Variants in PCDH11X observed in about 807,000 individuals in gnomAD.
PCDH11X encodes the protein protocadherin 11 X-linked, also known as protocadherin-11 X-linked.
In PCDH11X, 18 loss-of-function variants were observed where a neutral mutation model predicts 53.3. That is an observed-to-expected ratio of 0.34 (90% CI 0.23 to 0.50). PCDH11X has a LOEUF of 0.50. Ranked by LOEUF, PCDH11X falls within the 20% of genes least tolerant of loss-of-function variation. The pLI, the probability that PCDH11X is intolerant of heterozygous loss-of-function variation, is 0.98. For synonymous variants in PCDH11X, 279 were observed against 393.3 expected (o/e 0.71, Z 3.44); for missense variants, 570 against 1,032.4 (o/e 0.55, Z 6.14).
chrX:92,113,819 T>C lies in PCDH11X; in HGVS notation c.3034-87556T>C, dbSNP rs1487063086. Reference sequence around the variant, plus strand: ...ACCTCAAGCACATCAGAAGGCATTGTAGCTGACAGCAAAACTACCTGGGTG... The same window carrying C: ...ACCTCAAGCACATCAGAAGGCATTGCAGCTGACAGCAAAACTACCTGGGTG... On this transcript the variant is annotated intron_variant, in intron 6 of 10. Coordinates refer to ENST00000682573, the MANE Select transcript of PCDH11X (RefSeq NM_032968.5). 5.8e-6 allele frequency: 7 copies of C among 1,204,188 alleles called. No homozygotes were observed. In the East Asian group the frequency reaches 2.1e-4, roughly 36 times the overall value.
chrX:92,218,006 G>A (rs1305698317), intron 7 of PCDH11X, among the ~76,000 whole-genome samples: 5 of 109,000 alleles, frequency 4.6e-5, no homozygotes, highest in Admixed American at 9.9e-5. Flanking sequence ...TGAAACCAAT[G>A]AGAACAAAGA....
At chrX:92,186,851 A>G (rs2066108800) in intron 6 of PCDH11X, among the ~76,000 whole-genome samples, 1 of 111,350 alleles carries the variant, frequency 9.0e-6, no homozygotes, top group Admixed American at 9.6e-5. Context: ...CAAAGAAATA[A>G]TAAATATTGA....
intron 6 of PCDH11X, among the ~76,000 whole-genome samples, chrX:92,142,384 AC>A (rs2065197896): frequency 9.4e-6 from 1 of 106,598 alleles, no homozygotes; most frequent in African/African-American, 3.4e-5. Flanking sequence ...ACACACACAC[AC>A]ACACACACAC....
At position 92,622,904 on chromosome X, in the gene PCDH11X, G is replaced by A. The variant is rs1337449726; in HGVS notation, c.*3964G>A. The A allele has an allele frequency of 9.0e-6, 1 of 111,684 alleles. No homozygotes were observed. Among genetic ancestry groups the A allele is most frequent in the Non-Finnish European group, 1.9e-5 (1 of 52,998 alleles). The allele number at this position is 111,684 out of a possible 1,213,427, so 9.2% of individuals were successfully genotyped here. ...CAAATAAAAAAAATTAATGGCAATT[G>A]TTTAGTGATTGTAAGTGATACTTTT... On this transcript the variant is annotated 3_prime_UTR_variant, in exon 11 of 11. Coordinates refer to ENST00000682573, the MANE Select transcript of PCDH11X (RefSeq NM_032968.5).
At chrX:92,122,641 T>C (rs1453857569) in intron 6 of PCDH11X, among the ~76,000 whole-genome samples, 2 of 111,303 alleles carry the variant, frequency 1.8e-5, no homozygotes, top group African/African-American at 6.5e-5. Context: ...TTTAAGAAAA[T>C]CGTAATCTGG....
At chrX:92,555,529 G>A (rs2075032658) in intron 10 of PCDH11X, among the ~76,000 whole-genome samples, 1 of 111,782 alleles carries the variant, frequency 8.9e-6, no homozygotes, top group Non-Finnish European at 1.9e-5. Context: ...GAGACTTCAT[G>A]GAATATTTTA....
intron 6 of PCDH11X, among the ~76,000 whole-genome samples, chrX:91,936,426 G>A (rs1300215515): frequency 9.2e-6 from 1 of 109,224 alleles, no homozygotes; most frequent in East Asian, 2.9e-4. Flanking sequence ...TACACCAAAA[G>A]ATACACATTT....
At chrX:91,893,610 C>T (rs1940608226) in intron 6 of PCDH11X, among the ~76,000 whole-genome samples, 1 of 110,500 alleles carries the variant, frequency 9.0e-6, no homozygotes, top group African/African-American at 3.3e-5. Context: ...TTTGTGTAGA[C>T]ATAAATCCTG....
intron 6 of PCDH11X, among the ~76,000 whole-genome samples, chrX:92,009,612 G>A (rs1406912715): frequency 9.2e-6 from 1 of 109,046 alleles, no homozygotes; most frequent in Non-Finnish European, 1.9e-5. Context: ...AGAAAGATTT[G>A]CCTTCTCAAG....
At chrX:92,131,178 A>G (rs1274808746) in intron 6 of PCDH11X, among the ~76,000 whole-genome samples, 2 of 111,923 alleles carry the variant, frequency 1.8e-5, no homozygotes, top group Non-Finnish European at 3.8e-5. Context: ...AGATTCCACC[A>G]TTTAAAAAAC....
At chrX:92,102,374 T>C (rs1166679337) in intron 6 of PCDH11X, among the ~76,000 whole-genome samples, 1 of 111,402 alleles carries the variant, frequency 9.0e-6, no homozygotes, top group African/African-American at 3.3e-5. Flanking sequence ...GGTCAAGTTG[T>C]TTGGACAGAA....
intron 5 of PCDH11X, among the ~76,000 whole-genome samples, chrX:91,845,056 T>G: frequency 9.0e-6 from 1 of 111,587 alleles, no homozygotes; most frequent in East Asian, 2.8e-4. Flanking sequence ...TTGAACAGAG[T>G]GCTTTATTTA....
At chrX:92,541,898 A>C (rs1178656673) in intron 10 of PCDH11X, among the ~76,000 whole-genome samples, 2 of 110,261 alleles carry the variant, frequency 1.8e-5, no homozygotes, top group Non-Finnish European at 3.8e-5. Context: ...GCAGTGAGCC[A>C]AGATCGTGCC....
intron 10 of PCDH11X, among the ~76,000 whole-genome samples, chrX:92,513,916 C>T (rs1253710748): frequency 1.8e-5 from 2 of 110,527 alleles, no homozygotes; most frequent in East Asian, 5.7e-4. Flanking sequence ...TGAGCAACCA[C>T]TAGTCTGCTT....
chrX:92,362,013 G>A (rs1250753868), intron 8 of PCDH11X, among the ~76,000 whole-genome samples: 1 of 111,295 alleles, frequency 9.0e-6, no homozygotes, highest in African/African-American at 3.3e-5. Flanking sequence ...GTTTTAAAGT[G>A]TATACCACAT....
At chrX:92,417,914 A>G (rs1347245991) in intron 9 of PCDH11X, among the ~76,000 whole-genome samples, 1 of 97,773 alleles carries the variant, frequency 1.0e-5, no homozygotes, top group East Asian at 3.3e-4. Flanking sequence ...GCCGACTCCT[A>G]GCAGATTGGT....
chrX:92,001,616 G>C (rs2062512167), intron 6 of PCDH11X, among the ~76,000 whole-genome samples: 1 of 108,180 alleles, frequency 9.2e-6, no homozygotes, highest in African/African-American at 3.4e-5. Context: ...TTACAGGCAT[G>C]CACCACCATG....
chrX:92,406,918 T>G (rs1447542779), intron 9 of PCDH11X, among the ~76,000 whole-genome samples: 1 of 77,905 alleles, frequency 1.3e-5, no homozygotes, highest in African/African-American at 5.3e-5. Flanking sequence ...CAGAGTGAAA[T>G]TCCATCTCAT....
At chrX:92,158,466 T>C (rs1458217013) in intron 6 of PCDH11X, among the ~76,000 whole-genome samples, 17 of 108,605 alleles carry the variant, frequency 1.6e-4, no homozygotes, top group Middle Eastern at 4.7e-3. Flanking sequence ...GTTTAGATCA[T>C]GCCACTGCAC....
Sources: allele counts gnomAD v4.1 joint callset (sites outside exome capture counted in the v4.1 genomes callset), GRCh38; gene constraint gnomAD v4.1.1; transcripts MANE v1.5; gene names NCBI Gene and HGNC (gene_info 2026-07-23, HGNC 2026-07-21).